ZDHHC11B: variants seen among roughly 807,000 people sequenced by gnomAD.
The protein encoded by ZDHHC11B is zDHHC palmitoyltransferase 11B (putative), also known as probable palmitoyltransferase ZDHHC11B.
ZDHHC11B carries 17 observed loss-of-function variants against 42.3 expected under a neutral mutation model. The observed-to-expected ratio is 0.40, with a 90% CI of 0.27 to 0.60. ZDHHC11B has a LOEUF of 0.60. Among genes scored for constraint, ZDHHC11B ranks in the 20% least tolerant of loss-of-function variants. The pLI is 0.41. For missense variants in ZDHHC11B, 262 were observed against 463.2 expected, an observed-to-expected ratio of 0.57 and a Z score of 3.99; for synonymous variants, 123 against 193.5, an observed-to-expected ratio of 0.64 and a Z score of 3.02.
rs1447290849 is a variant in ZDHHC11B at position 743,835 on chromosome 5, G to A, written c.900+1348C>T. Among the ~76,000 whole-genome samples the A allele has an allele frequency of 4.0e-5, 6 of 149,678 alleles. 1 individual carries two copies. Among genetic ancestry groups the A allele is most frequent in the Non-Finnish European group, 8.9e-5 (6 of 67,586 alleles). On this transcript the variant is annotated intron_variant, in intron 9 of 13. Coordinates refer to ENST00000508859, the MANE Select transcript of ZDHHC11B (RefSeq NM_001351303.2). The stretch of plus-strand genomic sequence containing the variant: ...CTGCAAATAAACGCAGTTTTACTTT[G>A]TATTCTGTGTGCCTTAATTTTCCCT...
chr5:776,999 G>A (rs1310976320), intron 1 of ZDHHC11B, among the ~76,000 whole-genome samples: 1 of 151,898 alleles, frequency 6.6e-6, no homozygotes, highest in Admixed American at 6.6e-5. Context: ...TTTTGAGTCC[G>A]TGCCTTTCCC....
At chr5:737,625 C>T (rs1249943899) in intron 10 of ZDHHC11B, among the ~76,000 whole-genome samples, 2 of 149,440 alleles carry the variant, frequency 1.3e-5, no homozygotes, top group East Asian at 2.0e-4. Context: ...GGTTTCATAC[C>T]ACGTATGCAG....
intron 12 of ZDHHC11B, among the ~76,000 whole-genome samples, chr5:719,448 C>A (rs1476767342): frequency 7.9e-5 from 12 of 151,290 alleles, no homozygotes; most frequent in Non-Finnish European, 1.5e-5. Context: ...TACATATGAG[C>A]AAATTAGATT....
At chr5:717,579 G>C (rs1741850689) in intron 12 of ZDHHC11B, among the ~76,000 whole-genome samples, 2 of 151,812 alleles carry the variant, frequency 1.3e-5, no homozygotes, top group Admixed American at 1.3e-4. Flanking sequence ...ACATGCTATA[G>C]TCTCCCTTCT....
intron 4 of ZDHHC11B, among the ~76,000 whole-genome samples, chr5:765,745 G>A (rs1408447827): frequency 1.3e-5 from 2 of 151,850 alleles, no homozygotes; most frequent in Admixed American, 1.3e-4. Flanking sequence ...CTGAACCAGG[G>A]ATACCCCAAA....
rs1196705779 is a variant in ZDHHC11B, at chr5:773,365, A to G, written c.-229-4435T>C. Among the ~76,000 whole-genome samples the G allele has an allele frequency of 7.2e-5, 11 of 151,868 alleles. No individual in the cohort carries two copies. In the South Asian group the frequency reaches 8.3e-4, roughly 11 times the overall value. ...GGCTCTGCTCTTTCACCGTGAGGGA[A>G]AAGAAGGTTGTGTAGCAGAAGAGAC... On this transcript the variant is annotated intron_variant, in intron 1 of 13. Coordinates refer to ENST00000508859, the MANE Select transcript of ZDHHC11B (RefSeq NM_001351303.2).
intron 10 of ZDHHC11B, among the ~76,000 whole-genome samples, chr5:737,808 A>T (rs1279447100): frequency 6.8e-6 from 1 of 147,842 alleles, no homozygotes; most frequent in African/African-American, 2.5e-5. Flanking sequence ...ACCTCAAGGT[A>T]ATAAAAGCCC....
At chr5:713,827 G>C (rs1741542811) in intron 13 of ZDHHC11B, among the ~76,000 whole-genome samples, 1 of 151,748 alleles carries the variant, frequency 6.6e-6, no homozygotes, top group South Asian at 2.1e-4. Context: ...ACTGCAATGA[G>C]GGTACCGCCC....
intron 7 of ZDHHC11B, among the ~76,000 whole-genome samples, 195 bp from the exon 8 acceptor site, chr5:748,754 G>T (rs1358103354): frequency 1.5e-5 from 2 of 129,794 alleles, no homozygotes; most frequent in African/African-American, 5.0e-5. Flanking sequence ...TGGTTTTCAT[G>T]ATCCCTGCTT....
chr5:747,919 G>A lies in ZDHHC11B; in HGVS notation c.784+485C>T, dbSNP rs1250784241. 76 of 301,278 alleles carry A rather than the reference G, an allele frequency of 2.5e-4. 3 individuals carry two copies. The highest frequency in any genetic ancestry group is 1.2e-3 in the African/African-American group (59 of 48,136). The allele number at this position is 301,278 out of a possible 1,614,324, so 18.7% of individuals were successfully genotyped here. The stretch of plus-strand genomic sequence containing the variant: ...TCAGCAACATGACTGACCGCCTACC[G>A]CTGTGCCCACTGTGAGACCAAGCAA... On this transcript the variant is annotated intron_variant, in intron 8 of 13. Coordinates refer to ENST00000508859, the MANE Select transcript of ZDHHC11B (RefSeq NM_001351303.2).
At chr5:730,776 G>A (rs562833652) in intron 11 of ZDHHC11B, among the ~76,000 whole-genome samples, 2 of 151,812 alleles carry the variant, frequency 1.3e-5, no homozygotes, top group East Asian at 3.9e-4. Flanking sequence ...GAGGCTACTA[G>A]AGTGAGCCCT....
intron 12 of ZDHHC11B, among the ~76,000 whole-genome samples, chr5:718,835 G>A (rs1741974038): frequency 6.6e-6 from 1 of 151,794 alleles, no homozygotes; most frequent in Non-Finnish European, 1.5e-5. Flanking sequence ...TCTTGGAGCA[G>A]CTGGCTGATG....
rs577389215 is a variant in ZDHHC11B at position 714,869 on chromosome 5, C to T, written c.*7+1932G>A. On this transcript the variant is annotated intron_variant, in intron 13 of 13. Transcript: ENST00000508859. ...GACCCCCTATGAACAGATTAATGCC[C>T]TCCCTCTGAAGGGAGTGAGTTCATG... Among the ~76,000 whole-genome samples, 90 of 151,434 alleles carry T rather than the reference C, an allele frequency of 5.9e-4. 1 individual carries two copies. Among genetic ancestry groups the T allele is most frequent in the Middle Eastern group, 6.8e-3 (2 of 294 alleles).
chr5:717,712 G>C (rs1288890864), intron 12 of ZDHHC11B, among the ~76,000 whole-genome samples: 1 of 151,814 alleles, frequency 6.6e-6, no homozygotes. Flanking sequence ...CTCCTAGGAG[G>C]AAAGGATGCA....
intron 1 of ZDHHC11B, among the ~76,000 whole-genome samples, chr5:783,922 G>T (rs577481291): frequency 6.7e-6 from 1 of 149,162 alleles, no homozygotes; most frequent in South Asian, 2.1e-4. Flanking sequence ...GCCACTGCCC[G>T]GGAGGGACAG....
Position 717,915 on chromosome 5 carries a change from C to A in ZDHHC11B, c.1059-1050G>T, listed in dbSNP as rs116799660. Among the ~76,000 whole-genome samples the A allele has an allele frequency of 6.1e-3, 919 of 151,710 alleles. 20 individuals are homozygous for A. The highest frequency in any genetic ancestry group is 0.028 in the Middle Eastern group (8 of 290). On this transcript the variant is annotated intron_variant, in intron 12 of 13. Coordinates refer to ENST00000508859, the MANE Select transcript of ZDHHC11B (RefSeq NM_001351303.2). ...GCAAAACTTCCCAAACTATAGGCAA[C>A]AATGGGAGGGTCTGCCACCAGATTA...
At chr5:724,632 C>T (rs1246478441) in intron 12 of ZDHHC11B, among the ~76,000 whole-genome samples, 59 of 137,256 alleles carry the variant, frequency 4.3e-4, no homozygotes, top group African/African-American at 1.6e-3. Context: ...TTCTCGGCCT[C>T]CCCACATGCT....
Position 711,630 on chromosome 5 carries a change from C to T in ZDHHC11B, c.*660G>A, listed in dbSNP as rs184826826. On this transcript the variant is annotated 3_prime_UTR_variant, in exon 14 of 14. Transcript: ENST00000508859. ...AGTGCCGTGCTCCCATTTCCCAGTG[C>T]TGTATACTCCTATCTCCCAGTGCTG... 4.7e-4 allele frequency: 73 copies of T among 153,966 alleles called. No homozygotes were observed. Among genetic ancestry groups the T allele is most frequent in the Non-Finnish European group, 8.8e-4 (61 of 69,556 alleles). 9.5% of individuals were successfully genotyped at this position (153,966 alleles called of 1,614,324 possible).
chr5:742,273 G>A (rs1744244567), intron 9 of ZDHHC11B, among the ~76,000 whole-genome samples: 1 of 142,536 alleles, frequency 7.0e-6, no homozygotes, highest in Non-Finnish European at 1.5e-5. Context: ...GCTTCCCATT[G>A]TGTCCAGCCC....
Sources: gnomAD v4.1 joint callset for allele counts (sites outside exome capture counted in the v4.1 genomes callset) on GRCh38, gnomAD v4.1.1 for gene constraint, MANE v1.5 for transcripts, NCBI Gene and HGNC (gene_info 2026-07-23, HGNC 2026-07-21) for gene names.